The following MCTP1 variants were observed in gnomAD, a reference collection of about 807,000 sequenced individuals.
MCTP1 encodes multiple C2 and transmembrane domain-containing protein 1.
In MCTP1, 69 loss-of-function variants were observed where a neutral mutation model predicts 120.6. That is an observed-to-expected ratio of 0.57 (90% confidence interval 0.47 to 0.70). MCTP1 has a LOEUF of 0.70. Ranked by LOEUF, MCTP1 falls within the 30% of genes least tolerant of loss-of-function variation. The pLI, the probability that MCTP1 is intolerant of heterozygous loss-of-function variation, is 0.00. For missense variants in MCTP1, 1,203 were observed against 1,248.8 expected (o/e 0.96, Z 0.55); for synonymous variants, 529 against 493.1 (o/e 1.07, Z -0.96).
chr5:94,815,670 T>G (rs1022500966), intron 17 of MCTP1, among the ~76,000 whole-genome samples: 1 of 152,236 alleles, frequency 6.6e-6, no homozygotes, highest in Non-Finnish European at 1.5e-5. Context: ...AACTCTGGAT[T>G]CAGGGTTTAC....
At chr5:95,087,229 G>T (rs2152334376) in intron 1 of MCTP1, among the ~76,000 whole-genome samples, 1 of 152,306 alleles carries the variant, frequency 6.6e-6, no homozygotes, top group Non-Finnish European at 1.5e-5. Flanking sequence ...CTGCTTAGGG[G>T]TGACAGTAAA....
At chr5:95,020,383 C>A (rs1351910029) in intron 1 of MCTP1, among the ~76,000 whole-genome samples, 2 of 152,190 alleles carry the variant, frequency 1.3e-5, no homozygotes, top group African/African-American at 4.8e-5. Context: ...TAAGACATAA[C>A]TTCTCCGGAC....
At chr5:95,190,990 A>C (rs978264242) in intron 1 of MCTP1, among the ~76,000 whole-genome samples, 3 of 152,062 alleles carry the variant, frequency 2.0e-5, no homozygotes, top group Non-Finnish European at 4.4e-5. Context: ...AACACAAAGA[A>C]AAGACTTGTA....
At chr5:95,223,462 T>TAAATA (rs779815514) in intron 1 of MCTP1, among the ~76,000 whole-genome samples, 11 of 151,944 alleles carry the variant, frequency 7.2e-5, no homozygotes, top group East Asian at 1.9e-4. Context: ...AAAACATAAA[T>TAAATA]AAATAAAATA....
At chr5:95,105,369 G>C (rs935779201) in intron 1 of MCTP1, among the ~76,000 whole-genome samples, 1 of 152,282 alleles carries the variant, frequency 6.6e-6, no homozygotes, top group East Asian at 1.9e-4. Context: ...CTCCAGAATA[G>C]TGTTAACTTA....
intron 1 of MCTP1, among the ~76,000 whole-genome samples, chr5:95,071,850 T>A (rs1012784687): frequency 6.6e-6 from 1 of 152,218 alleles, no homozygotes; most frequent in Non-Finnish European, 1.5e-5. Flanking sequence ...TAGATTTTTG[T>A]TAAAATCTGG....
intron 1 of MCTP1, among the ~76,000 whole-genome samples, chr5:95,250,426 T>C (rs1028426339): frequency 2.0e-5 from 3 of 152,188 alleles, no homozygotes; most frequent in Admixed American, 6.5e-5. Context: ...TACATGAAAC[T>C]GTGGTGGCTA....
rs375210191 is a variant in MCTP1, at chr5:94,815,281, A to T, written c.2437-16149T>A. On this transcript the variant is annotated intron_variant, in intron 17 of 22. Transcript: ENST00000515393. ...ATACTGCTACAAAACATTTCTTAAT[A>T]TTTTTCATGATAAAGCTTAATACAT... 6.9e-4 allele frequency among the ~76,000 whole-genome samples: 105 copies of T among 152,268 alleles called. 1 individual carries two copies. The South Asian group carries it at 0.022, about 31-fold the overall frequency.
intron 1 of MCTP1, among the ~76,000 whole-genome samples, chr5:95,172,317 A>T (rs1311438973): frequency 6.6e-6 from 1 of 152,148 alleles, no homozygotes; most frequent in Non-Finnish European, 1.5e-5. Flanking sequence ...GTCTGCCCCT[A>T]CTGGGGGATG....
chr5:94,748,940 C>T (rs1049636956), intron 19 of MCTP1, among the ~76,000 whole-genome samples: 2 of 152,176 alleles, frequency 1.3e-5, no homozygotes, highest in Admixed American at 6.5e-5. Context: ...CAATTAGAAG[C>T]CTGGGAGATG....
chr5:94,795,181 G>T (rs1446032411), intron 18 of MCTP1, among the ~76,000 whole-genome samples: 1 of 141,608 alleles, frequency 7.1e-6, no homozygotes, highest in African/African-American at 2.6e-5. Context: ...TTTTCTCAAG[G>T]AAGAGCTCTT....
At chr5:95,149,297 CG>C (rs1760682838) in intron 1 of MCTP1, among the ~76,000 whole-genome samples, 1 of 152,214 alleles carries the variant, frequency 6.6e-6, no homozygotes, top group Non-Finnish European at 1.5e-5. Context: ...CCAATGAACT[CG>C]GGTGTCTCAC....
rs1309633026 is a variant in MCTP1 at position 94,815,754 on chromosome 5, T to G, written c.2437-16622A>C. Among the ~76,000 whole-genome samples the G allele has an allele frequency of 2.0e-5, 3 of 152,152 alleles. No individual in the cohort carries two copies. In the East Asian group the frequency reaches 5.8e-4, roughly 29 times the overall value. ...TCAGTCTTGAGGAGGCATACAATAG[T>G]GTACAGCTTTTAAATACCAGTTAGA... is the stretch of plus-strand genomic sequence containing the variant. On this transcript the variant is annotated intron_variant, in intron 17 of 22. Transcript: ENST00000515393.
chr5:94,909,690 C>T (rs1388402117), intron 9 of MCTP1, among the ~76,000 whole-genome samples: 5 of 151,904 alleles, frequency 3.3e-5, no homozygotes, highest in African/African-American at 4.8e-5. Flanking sequence ...ATAGCTCACT[C>T]GGATACTAGC....
At chr5:95,229,424 G>C (rs1182073231) in intron 1 of MCTP1, among the ~76,000 whole-genome samples, 1 of 152,166 alleles carries the variant, frequency 6.6e-6, no homozygotes, top group East Asian at 1.9e-4. Flanking sequence ...GCATTTGCAA[G>C]TACTGCCACC....
intron 1 of MCTP1, among the ~76,000 whole-genome samples, chr5:95,059,867 A>C (rs1748465761): frequency 6.6e-6 from 1 of 152,126 alleles, no homozygotes; most frequent in South Asian, 2.1e-4. Flanking sequence ...ACTTTCTCAA[A>C]AGGAACTATG....
chr5:94,832,602 C>T (rs1012992190), intron 17 of MCTP1, among the ~76,000 whole-genome samples: 2 of 127,192 alleles, frequency 1.6e-5, no homozygotes, highest in Non-Finnish European at 3.4e-5. Flanking sequence ...TTGCTTTGGG[C>T]TAGCTGAACA....
chr5:94,707,974 A>T (rs552571695), intron 22 of MCTP1, among the ~76,000 whole-genome samples: 15 of 116,758 alleles, frequency 1.3e-4, no homozygotes, highest in African/African-American at 3.3e-4. Flanking sequence ...TTCAGGATTT[A>T]AAAAAAAAAA....
At chr5:94,873,319 C>A (rs1798177883) in intron 12 of MCTP1, 78 bp from the exon 13 acceptor site, 1 of 780,390 alleles carries the variant, frequency 1.3e-6, no homozygotes, top group South Asian at 1.8e-5. Flanking sequence ...GACCATATCT[C>A]TTTTGCAAAA....
Sources: gnomAD v4.1 joint callset for allele counts (sites outside exome capture counted in the v4.1 genomes callset) on GRCh38, gnomAD v4.1.1 for gene constraint, MANE v1.5 for transcripts, NCBI Gene and HGNC (gene_info 2026-07-23, HGNC 2026-07-21) for gene names.